Variants in RYR2 observed in about 807,000 individuals in gnomAD.
RYR2 encodes cardiac muscle ryanodine receptor-calcium release channel.
A neutral mutation model predicts 601.1 loss-of-function variants in RYR2; 227 were observed. The observed-to-expected ratio is 0.38, with a 90% confidence interval of 0.34 to 0.42. RYR2 has a LOEUF of 0.42. Among genes scored for constraint, RYR2 ranks in the 10% least tolerant of loss-of-function variants. The pLI, the probability that RYR2 is intolerant of heterozygous loss-of-function variation, is 1.00. For missense variants in RYR2, 4,646 were observed against 6,156.5 expected (o/e 0.75, Z 8.21); for synonymous variants, 2,223 against 2,175.1 (o/e 1.02, Z -0.61).
intron 22 of RYR2, 108 bp downstream of exon 22, chr1:237,503,613 G>A: frequency 1.0e-6 from 1 of 975,658 alleles, no homozygotes; most frequent in African/African-American, 1.6e-5. Context: ...CAGTAATACA[G>A]TTGTACAGTT....
chr1:237,360,159 C>T (rs1311829798), intron 4 of RYR2, among the ~76,000 whole-genome samples: 1 of 152,174 alleles, frequency 6.6e-6, no homozygotes, highest in Non-Finnish European at 1.5e-5. Flanking sequence ...TATCAAGGTT[C>T]ATTCATGTTT....
rs141354959 is a variant in RYR2, at chr1:237,308,769, C to T, written c.169-22109C>T. On this transcript the variant is annotated intron_variant, in intron 2 of 104. Transcript: ENST00000366574. ...AAGGCGTGAAAGAACAAAGCTTCTA[C>T]ACCGTGGAAAGGGACCTGAGCAGGT... Among the ~76,000 whole-genome samples the T allele has an allele frequency of 4.4e-3, 677 of 152,330 alleles. 7 individuals are homozygous for T. Among genetic ancestry groups the T allele is most frequent in the African/African-American group, 0.015 (636 of 41,588 alleles).
chr1:237,643,003 A>G (rs1681726296), intron 47 of RYR2, among the ~76,000 whole-genome samples: 2 of 152,160 alleles, frequency 1.3e-5, no homozygotes, highest in Admixed American at 1.3e-4. Context: ...GTAATTTTGG[A>G]AAGTAAACTT....
chr1:237,087,214 A>T (rs1048792121), intron 1 of RYR2, among the ~76,000 whole-genome samples: 2 of 152,202 alleles, frequency 1.3e-5, no homozygotes, highest in Admixed American at 1.3e-4. Flanking sequence ...CTGAACCAGC[A>T]TCTGGGCCAG....
chr1:237,658,992 T>C (rs1683510354), intron 54 of RYR2, among the ~76,000 whole-genome samples: 1 of 152,220 alleles, frequency 6.6e-6, no homozygotes, highest in African/African-American at 2.4e-5. Context: ...TAGTCTAAAC[T>C]TGACAGAGGA....
At chr1:237,445,602 A>G in intron 14 of RYR2, 80 bp downstream of exon 14, 1 of 1,549,658 alleles carries the variant, frequency 6.5e-7, no homozygotes, top group Non-Finnish European at 8.8e-7. Flanking sequence ...ACAATTTAAA[A>G]GTATGCTATG....
chr1:237,660,374 A>C (rs1309436637), intron 55 of RYR2, among the ~76,000 whole-genome samples: 1 of 151,816 alleles, frequency 6.6e-6, no homozygotes, highest in East Asian at 1.9e-4. Flanking sequence ...CATGCTTAAG[A>C]GTTTCTTGAT....
intron 16 of RYR2, among the ~76,000 whole-genome samples, chr1:237,462,184 C>T (rs562974637): frequency 6.6e-6 from 1 of 152,194 alleles, no homozygotes; most frequent in Non-Finnish European, 1.5e-5. Context: ...TCCCGTTATT[C>T]GAAATAGGTA....
intron 1 of RYR2, among the ~76,000 whole-genome samples, chr1:237,232,099 C>T (rs894543775): frequency 6.6e-6 from 1 of 152,178 alleles, no homozygotes; most frequent in Non-Finnish European, 1.5e-5. Flanking sequence ...TGTTCAATCT[C>T]TTTTTCTGGT....
chr1:237,303,285 C>T (rs146063040), intron 2 of RYR2, among the ~76,000 whole-genome samples: 6 of 138,048 alleles, frequency 4.3e-5, no homozygotes, highest in South Asian at 2.4e-4. Flanking sequence ...GATAGCTCTG[C>T]GGTTATCTTT....
intron 1 of RYR2, among the ~76,000 whole-genome samples, chr1:237,244,575 C>G (rs2149247585): frequency 6.6e-6 from 1 of 152,150 alleles, no homozygotes; most frequent in Non-Finnish European, 1.5e-5. Context: ...ATGTGTTGGC[C>G]CTACATAAAT....
intron 16 of RYR2, among the ~76,000 whole-genome samples, chr1:237,464,216 C>T (rs554295535): frequency 6.6e-6 from 1 of 152,106 alleles, no homozygotes; most frequent in Non-Finnish European, 1.5e-5. Flanking sequence ...AGTCAAAAGG[C>T]TTTCCTTTGA....
intron 58 of RYR2, 90 bp from the exon 59 acceptor site, chr1:237,674,006 T>A: frequency 9.8e-7 from 1 of 1,019,794 alleles, no homozygotes; most frequent in Non-Finnish European, 1.5e-6. Context: ...ATATGGAAAG[T>A]TTTATAGTGT....
intron 4 of RYR2, among the ~76,000 whole-genome samples, chr1:237,361,646 T>G (rs569757753): frequency 6.6e-6 from 1 of 152,212 alleles, no homozygotes. Flanking sequence ...CAGTTTCTTT[T>G]AAAAGTTCTA....
intron 57 of RYR2, 138 bp downstream of exon 57, chr1:237,666,727 T>A: frequency 4.3e-6 from 3 of 689,738 alleles, no homozygotes; most frequent in Middle Eastern, 4.0e-4. Context: ...ATTTATAGAT[T>A]ATATACTCTA....
intron 3 of RYR2, among the ~76,000 whole-genome samples, chr1:237,335,500 T>C (rs1328009525): frequency 1.3e-5 from 2 of 152,302 alleles, no homozygotes; most frequent in East Asian, 3.9e-4. Flanking sequence ...AGGCGTTGCT[T>C]TGGTTTAATG....
At chr1:237,359,055 G>A (rs1699546969) in intron 4 of RYR2, among the ~76,000 whole-genome samples, 2 of 152,096 alleles carry the variant, frequency 1.3e-5, no homozygotes, top group African/African-American at 2.4e-5. Flanking sequence ...CCTCCAGTTA[G>A]GGTGAGGTTA....
intron 38 of RYR2, among the ~76,000 whole-genome samples, chr1:237,622,479 G>A (rs1044761344): frequency 6.6e-6 from 1 of 152,168 alleles, no homozygotes; most frequent in Non-Finnish European, 1.5e-5. Context: ...GGCTATGTGT[G>A]TAAGGTGTGT....
chr1:237,533,431 G>A (rs1048850740), intron 25 of RYR2, among the ~76,000 whole-genome samples: 15 of 151,998 alleles, frequency 9.9e-5, no homozygotes, highest in African/African-American at 3.1e-4. Context: ...GAGACAGTTC[G>A]CACCGACGAG....
Sources: allele counts gnomAD v4.1 joint callset (sites outside exome capture counted in the v4.1 genomes callset), GRCh38; gene constraint gnomAD v4.1.1; transcripts MANE v1.5; gene names NCBI Gene and HGNC (gene_info 2026-07-23, HGNC 2026-07-21).